Variants in PIAS1 observed in about 807,000 individuals in gnomAD.
The protein encoded by PIAS1 is protein inhibitor of activated STAT 1, also known as E3 SUMO-protein ligase PIAS1.
A neutral mutation model predicts 71.3 loss-of-function variants in PIAS1; 6 were observed. That is an observed-to-expected ratio of 0.08 (90% CI 0.05 to 0.17). The LOEUF is 0.17. PIAS1 is among the 10% of genes least tolerant of loss of function. PIAS1 has a pLI of 1.00. For missense variants in PIAS1, 555 were observed against 793.6 expected, an observed-to-expected ratio of 0.70 and a Z score of 3.61; for synonymous variants, 303 against 292.9, an observed-to-expected ratio of 1.03 and a Z score of -0.35.
Position 68,124,062 on chromosome 15 carries a change from G to A in PIAS1, c.470-17884G>A, listed in dbSNP as rs8037771. On this transcript the variant is annotated intron_variant, in intron 2 of 13. Transcript: ENST00000249636. ...CACATGCACAAAAAGATCTGAGAAA[G>A]TATATGCTAGTAATACCTTTATCTC... 6.0e-3 allele frequency among the ~76,000 whole-genome samples: 910 copies of A among 152,114 alleles called. 9 individuals are homozygous for A. Among genetic ancestry groups the A allele is most frequent in the African/African-American group, 0.021 (865 of 41,498 alleles).
intron 2 of PIAS1, among the ~76,000 whole-genome samples, chr15:68,119,722 C>T (rs906126042): frequency 6.6e-6 from 1 of 152,106 alleles, no homozygotes; most frequent in African/African-American, 2.4e-5. Context: ...TGTATTCTTC[C>T]AATTTCCTGT....
At chr15:68,107,589 A>G (rs777197532) in intron 2 of PIAS1, among the ~76,000 whole-genome samples, 6 of 152,288 alleles carry the variant, frequency 3.9e-5, no homozygotes, top group Admixed American at 1.3e-4. Flanking sequence ...CTGCTACTCA[A>G]TTTTTAATAC....
intron 7 of PIAS1, among the ~76,000 whole-genome samples, chr15:68,156,500 G>A (rs941318912): frequency 8.3e-6 from 1 of 120,284 alleles, no homozygotes; most frequent in African/African-American, 2.6e-5. Context: ...GTGAGGTCAG[G>A]AGTTCAGACC....
At chr15:68,092,839 G>A (rs529933046) in intron 2 of PIAS1, among the ~76,000 whole-genome samples, 1 of 152,172 alleles carries the variant, frequency 6.6e-6, no homozygotes, top group African/African-American at 2.4e-5. Flanking sequence ...TTCCAGAACT[G>A]TGAGAAATAA....
chr15:68,135,299 T>C (rs1210684372), intron 2 of PIAS1, among the ~76,000 whole-genome samples: 1 of 16,662 alleles, frequency 6.0e-5, no homozygotes, highest in African/African-American at 1.2e-4. Context: ...GGCTCCTCAC[T>C]TCCCAGTAGG....
chr15:68,163,898 AC>A (rs2092940411), intron 7 of PIAS1, among the ~76,000 whole-genome samples: 6 of 151,952 alleles, frequency 3.9e-5, no homozygotes, highest in Admixed American at 3.9e-4. Flanking sequence ...TTCCTGTCTC[AC>A]CCCCTATAAT....
intron 2 of PIAS1, among the ~76,000 whole-genome samples, chr15:68,119,650 TGAGTG>T (rs2092597274): frequency 6.6e-6 from 1 of 152,222 alleles, no homozygotes; most frequent in East Asian, 1.9e-4. Flanking sequence ...CTGCTGTTGT[TGAGTG>T]GAGTGTTCTA....
At chr15:68,088,307 A>C (rs866074323) in intron 2 of PIAS1, among the ~76,000 whole-genome samples, 1 of 151,404 alleles carries the variant, frequency 6.6e-6, no homozygotes, top group South Asian at 2.1e-4. Flanking sequence ...TCAGTTGATG[A>C]AAACGTTGTG....
intron 2 of PIAS1, among the ~76,000 whole-genome samples, chr15:68,094,956 T>A (rs2092361607): frequency 6.6e-6 from 1 of 152,228 alleles, no homozygotes; most frequent in Non-Finnish European, 1.5e-5. Context: ...TTTGTATAGT[T>A]GTCCAGAATT....
At chr15:68,055,249 A>T (rs982289351) in intron 1 of PIAS1, 30 of 977,774 alleles carry the variant, frequency 3.1e-5, no homozygotes, top group Non-Finnish European at 3.5e-5. Context: ...GTTCGTGTTT[A>T]TATCCCCCCA....
rs2093116981 is a variant in PIAS1 at position 68,191,001 on chromosome 15, T to A, written c.*3166T>A. The A allele has an allele frequency of 6.6e-6, 1 of 152,348 alleles. No homozygotes were observed. Among genetic ancestry groups the A allele is most frequent in the African/African-American group, 2.4e-5 (1 of 41,462 alleles). 9.4% of individuals were successfully genotyped at this position (152,348 alleles called of 1,614,324 possible). A position where few individuals can be genotyped will look rare whatever the true frequency, so the allele number is the denominator to read the frequency against. On this transcript the variant is annotated 3_prime_UTR_variant, in exon 14 of 14. Transcript: ENST00000249636. ...AGAGCATTTTTTTAGACAATTTCAATTTTAAACACATAAAACTTTCAAGAT... is the reference window on the plus strand; with the variant it reads ...AGAGCATTTTTTTAGACAATTTCAAATTTAAACACATAAAACTTTCAAGAT...
intron 2 of PIAS1, among the ~76,000 whole-genome samples, chr15:68,101,267 TTGCC>T (rs1481477197): frequency 6.6e-6 from 1 of 152,188 alleles, no homozygotes; most frequent in Non-Finnish European, 1.5e-5. Flanking sequence ...ATTTGTTTAT[TTGCC>T]ATCTGAATAT....
chr15:68,128,437 T>G (rs1475836979), intron 2 of PIAS1, among the ~76,000 whole-genome samples: 1 of 152,200 alleles, frequency 6.6e-6, no homozygotes, highest in Non-Finnish European at 1.5e-5. Flanking sequence ...TGTGAGCCAC[T>G]GCTCCTGGCC....
intron 2 of PIAS1, among the ~76,000 whole-genome samples, chr15:68,132,391 C>T (rs1402144467): frequency 1.3e-5 from 2 of 152,064 alleles, no homozygotes; most frequent in Non-Finnish European, 2.9e-5. Flanking sequence ...AGGAGAATCA[C>T]TTGAACCTGG....
chr15:68,099,908 T>C (rs893496858), intron 2 of PIAS1, among the ~76,000 whole-genome samples: 39 of 152,218 alleles, frequency 2.6e-4, no homozygotes, highest in Admixed American at 6.5e-4. Flanking sequence ...CACATACTTA[T>C]TTGCCATCTG....
At chr15:68,066,968 C>T (rs1045837668) in intron 1 of PIAS1, among the ~76,000 whole-genome samples, 10 of 152,134 alleles carry the variant, frequency 6.6e-5, no homozygotes, top group Admixed American at 6.5e-4. Context: ...GAGAGGAATT[C>T]TATAATCTCT....
Position 68,186,714 on chromosome 15 carries a change from T to C in PIAS1, c.1663-828T>C, listed in dbSNP as rs2093090093. ...AGGTGTATCATTTTTTTATCTTTTA[T>C]ACCATATTTTTACTGTACCTTTTCT... On this transcript the variant is annotated intron_variant, in intron 13 of 13. Coordinates refer to ENST00000249636, the MANE Select transcript of PIAS1 (RefSeq NM_016166.3). The surrounding 1 kb of genome is among the most constrained non-coding windows in gnomAD (Gnocchi z 4.4). Among the ~76,000 whole-genome samples the C allele has an allele frequency of 2.6e-5, 4 of 152,380 alleles. No homozygotes were observed. The South Asian group carries it at 8.3e-4, about 32-fold the overall frequency.
chr15:68,189,776 C>A lies in PIAS1; in HGVS notation c.*1941C>A, dbSNP rs552796840. The A allele has an allele frequency of 7.9e-5, 12 of 151,614 alleles. No individual in the cohort carries two copies. Among genetic ancestry groups the A allele is most frequent in the East Asian group, 3.9e-4 (2 of 5,162 alleles). The allele number at this position is 151,614 out of a possible 1,614,324, so 9.4% of individuals were successfully genotyped here. On this transcript the variant is annotated 3_prime_UTR_variant, in exon 14 of 14. Coordinates refer to ENST00000249636, the MANE Select transcript of PIAS1 (RefSeq NM_016166.3). ...AAAACAATTTGCAATAAAAAAAAAA[C>A]CAAAACAGATTGTCAGTTAACCAGG...
At chr15:68,147,984 G>A (rs2092819935) in intron 6 of PIAS1, among the ~76,000 whole-genome samples, 1 of 152,056 alleles carries the variant, frequency 6.6e-6, no homozygotes, top group African/African-American at 2.4e-5. Context: ...CTTACCATGT[G>A]TCATCTACTA....
Sources: allele counts gnomAD v4.1 joint callset (sites outside exome capture counted in the v4.1 genomes callset), GRCh38; gene constraint gnomAD v4.1.1; non-coding constraint Gnocchi (gnomAD v3.1); transcripts MANE v1.5; gene names NCBI Gene and HGNC (gene_info 2026-07-23, HGNC 2026-07-21).